ZFHX3: variants seen among roughly 807,000 people sequenced by gnomAD.
ZFHX3 encodes the protein zinc finger homeobox 3.
In ZFHX3, 42 loss-of-function variants were observed where a neutral mutation model predicts 279.1. The observed-to-expected ratio is 0.15, with a 90% CI of 0.12 to 0.19. The LOEUF (loss-of-function observed/expected upper bound fraction) is 0.19, where lower values mean the gene tolerates loss of function less well. Ranked by LOEUF, ZFHX3 falls within the 10% of genes least tolerant of loss-of-function variation. The probability of loss-of-function intolerance (pLI) is 1.00; values close to 1 mark genes in which losing one functional copy is unlikely to be tolerated. For missense variants in ZFHX3, 4,981 were observed against 4,754.0 expected (o/e 1.05, Z -1.40); for synonymous variants, 2,293 against 1,957.8 (o/e 1.17, Z -4.52).
At chr16:73,454,352 G>T (rs564085008) in intron 3 of ZFHX3, among the ~76,000 whole-genome samples, 5 of 152,122 alleles carry the variant, frequency 3.3e-5, no homozygotes, top group Non-Finnish European at 7.3e-5. Context: ...AAAGATGGTA[G>T]GTTCTTTGAA....
chr16:73,846,829 C>G (rs1961461520), intron 1 of ZFHX3, among the ~76,000 whole-genome samples: 1 of 152,174 alleles, frequency 6.6e-6, no homozygotes, highest in Non-Finnish European at 1.5e-5. Context: ...AAGAATAACC[C>G]ATCATCCACG....
intron 2 of ZFHX3, among the ~76,000 whole-genome samples, chr16:73,569,250 CTG>C (rs2020495948): frequency 6.6e-6 from 1 of 152,170 alleles, no homozygotes; most frequent in South Asian, 2.1e-4. Flanking sequence ...CAATGCAATT[CTG>C]TGAGTCTTCC....
intron 3 of ZFHX3, among the ~76,000 whole-genome samples, chr16:72,907,491 CCT>C (rs1428023647): frequency 6.6e-5 from 10 of 151,566 alleles, no homozygotes; most frequent in Non-Finnish European, 1.3e-4. Context: ...CTGTACCACC[CCT>C]GTCTCCAGCC....
chr16:73,626,756 C>G (rs1218003587), intron 2 of ZFHX3, among the ~76,000 whole-genome samples: 1 of 152,192 alleles, frequency 6.6e-6, no homozygotes, highest in East Asian at 1.9e-4. Context: ...CCATTTTTCA[C>G]TGACTCTGCA....
chr16:72,829,048 T>G (rs1597284594), intron 5 of ZFHX3, among the ~76,000 whole-genome samples: 1 of 150,056 alleles, frequency 6.7e-6, no homozygotes, highest in Non-Finnish European at 1.5e-5. Context: ...CAGGCTGGAG[T>G]GCAGTGGCTG....
At chr16:73,771,766 T>C (rs1442163363) in intron 1 of ZFHX3, among the ~76,000 whole-genome samples, 2 of 152,110 alleles carry the variant, frequency 1.3e-5, no homozygotes, top group African/African-American at 4.8e-5. Context: ...GAATTTTTTT[T>C]TTTTTTTTTA....
chr16:73,865,310 T>C (rs1961983542), intron 1 of ZFHX3, among the ~76,000 whole-genome samples: 1 of 152,148 alleles, frequency 6.6e-6, no homozygotes, highest in South Asian at 2.1e-4. Flanking sequence ...AGGCCTGGAA[T>C]CTATGCAAAT....
At chr16:73,804,168 CA>C (rs969040021) in intron 1 of ZFHX3, among the ~76,000 whole-genome samples, 8 of 151,904 alleles carry the variant, frequency 5.3e-5, no homozygotes, top group African/African-American at 1.9e-4. Flanking sequence ...AAAACAAAAA[CA>C]AAAACAAAAC....
chr16:73,474,952 G>A (rs963211966), intron 2 of ZFHX3, among the ~76,000 whole-genome samples: 13 of 152,262 alleles, frequency 8.5e-5, no homozygotes, highest in African/African-American at 2.6e-4. Context: ...GGAGGAGTGG[G>A]TGGGTAATTG....
chr16:72,879,138 A>G (rs1461404601), intron 4 of ZFHX3, among the ~76,000 whole-genome samples: 2 of 152,232 alleles, frequency 1.3e-5, no homozygotes, highest in Non-Finnish European at 2.9e-5. Flanking sequence ...CAAGGTAACA[A>G]TATACACACT....
At chr16:73,138,053 G>A (rs117507320) in intron 6 of ZFHX3, among the ~76,000 whole-genome samples, 2,015 of 152,258 alleles carry the variant, frequency 0.013, 19 homozygotes, top group Middle Eastern at 0.027. Context: ...AGTAGAAGCC[G>A]ACATTGTGTT....
chr16:73,464,456 A>G (rs1307554685), intron 2 of ZFHX3, among the ~76,000 whole-genome samples: 1 of 151,522 alleles, frequency 6.6e-6, no homozygotes, highest in African/African-American at 2.4e-5. Flanking sequence ...AATTTAAGAA[A>G]AAAAAAAAAA....
At position 72,793,790 on chromosome 16, in the gene ZFHX3, G is replaced by A. The variant is rs2143387852; in HGVS notation, c.8892C>T (p.Cys2964=). Residue 2964 remains cysteine, a synonymous_variant, in exon 9 of 10, where the codon TGC becomes TGT. Transcript: ENST00000268489. This position sits in a 1 kb window ranked among gnomAD's most constrained non-coding sequence, Gnocchi z 4.3. ...TAGTGGGTGTCCTGTAGTCATTAAA[G>A]CATGACTTGAGGACCTTCAGCTGCA... is the stretch of plus-strand genomic sequence containing the variant. ...TNLQLKVLKS[C]FNDYRTPTML... 2 of 1,614,166 alleles carry A rather than the reference G, an allele frequency of 1.2e-6. No individual in the cohort carries two copies.
chr16:73,196,805 A>G (rs975401148), intron 5 of ZFHX3, among the ~76,000 whole-genome samples: 2 of 152,146 alleles, frequency 1.3e-5, no homozygotes, highest in Admixed American at 6.5e-5. Context: ...CTACCTCACT[A>G]TTTCAGCCAT....
At chr16:73,289,587 G>C (rs1242544688) in intron 4 of ZFHX3, among the ~76,000 whole-genome samples, 1 of 151,960 alleles carries the variant, frequency 6.6e-6, no homozygotes, top group Admixed American at 6.6e-5. Flanking sequence ...TCCTAGGCTG[G>C]CAATCCAAGC....
chr16:73,264,781 T>C (rs892558817), intron 4 of ZFHX3, among the ~76,000 whole-genome samples: 1 of 152,084 alleles, frequency 6.6e-6, no homozygotes, highest in African/African-American at 2.4e-5. Context: ...ATCATTCTTA[T>C]GCCTTTGCAT....
At chr16:72,838,284 G>A (rs2037250322) in intron 4 of ZFHX3, among the ~76,000 whole-genome samples, 1 of 152,200 alleles carries the variant, frequency 6.6e-6, no homozygotes, top group Non-Finnish European at 1.5e-5. Context: ...TCTTACCACT[G>A]TTTACAGAAA....
intron 3 of ZFHX3, among the ~76,000 whole-genome samples, chr16:72,928,599 T>C (rs1481242672): frequency 1.3e-5 from 2 of 152,124 alleles, no homozygotes; most frequent in Non-Finnish European, 2.9e-5. Context: ...CAGATGCCTG[T>C]TCATATAAGA....
chr16:73,684,695 CTTTTTTT>C (rs201167110), intron 1 of ZFHX3, among the ~76,000 whole-genome samples: 2,073 of 137,512 alleles, frequency 0.015, 45 homozygotes, highest in African/African-American at 0.057. Context: ...CACAAGGGTC[CTTTTTTT>C]TTTTTTTTTT....
Sources: allele counts gnomAD v4.1 joint callset (sites outside exome capture counted in the v4.1 genomes callset), GRCh38; gene constraint gnomAD v4.1.1; non-coding constraint Gnocchi (gnomAD v3.1); transcripts MANE v1.5; gene names NCBI Gene and HGNC (gene_info 2026-07-23, HGNC 2026-07-21).